Variants in NXT2 observed in about 807,000 individuals in gnomAD.
NXT2 encodes the protein nuclear transport factor 2 like export factor 2.
In NXT2, 1 loss-of-function variant was observed where a neutral mutation model predicts 9.6. That is an observed-to-expected ratio of 0.10 (90% CI 0.04 to 0.49). The LOEUF is 0.49. Among genes scored for constraint, NXT2 ranks in the 20% least tolerant of loss-of-function variants. NXT2 has a pLI of 0.95. For missense variants in NXT2, 48 were observed against 100.3 expected (o/e 0.48, Z 2.23); for synonymous variants, 22 against 35.4 (o/e 0.62, Z 1.34).
At chrX:109,540,627 G>A (rs1190352265) in intron 2 of NXT2, among the ~76,000 whole-genome samples, 1 of 112,101 alleles carries the variant, frequency 8.9e-6, no homozygotes, top group African/African-American at 3.2e-5. Flanking sequence ...TGCCTGCCTG[G>A]CCTTTTAACC....
upstream of NXT2, among the ~76,000 whole-genome samples, chrX:109,536,339 T>C (rs1463573094): frequency 8.9e-6 from 1 of 112,810 alleles, no homozygotes; most frequent in Non-Finnish European, 1.9e-5. Flanking sequence ...TTAATTTTTG[T>C]TGGTGTCCGT....
intron 1 of NXT2, 183 bp downstream of exon 1, chrX:109,537,204 TAGC>T (rs1933297536): frequency 9.7e-7 from 1 of 1,031,994 alleles, no homozygotes; most frequent in African/African-American, 2.0e-5. Flanking sequence ...CCAGCCTGGT[TAGC>T]AGTCGCTTTC....
At chrX:109,537,966 A>G in intron 1 of NXT2, 79 bp from the exon 2 acceptor site, 1 of 605,242 alleles carries the variant, frequency 1.7e-6, no homozygotes, top group Non-Finnish European at 2.8e-6. Context: ...GAAATAAATC[A>G]TCAGCTTCTG....
intron 3 of NXT2, among the ~76,000 whole-genome samples, chrX:109,542,200 C>T (rs1454449705): frequency 9.0e-6 from 1 of 110,790 alleles, no homozygotes; most frequent in Non-Finnish European, 1.9e-5. Flanking sequence ...CTGTTAGAAA[C>T]CTGAAATATT....
At chrX:109,538,176 T>C in intron 2 of NXT2, 45 bp downstream of exon 2, 1 of 787,324 alleles carries the variant, frequency 1.3e-6, no homozygotes, top group Non-Finnish European at 1.9e-6. Flanking sequence ...TACTACTCTT[T>C]ATTAAATACC....
rs926521895 is a variant in NXT2, at chrX:109,539,493, G to T, written c.102+1362G>T. Among the ~76,000 whole-genome samples the T allele has an allele frequency of 3.7e-5, 4 of 109,386 alleles. No homozygotes were observed. The Admixed American group carries it at 3.9e-4, about 11-fold the overall frequency. The allele number at this position is 109,386 out of a possible 115,157, so 95.0% of individuals were successfully genotyped here. A position where few individuals can be genotyped will look rare whatever the true frequency, so the allele number is the denominator to read the frequency against. On this transcript the variant is annotated intron_variant, in intron 2 of 3. Transcript: ENST00000372106. ...GAACTAATTTACATTCCCACCCACA[G>T]TGTAAAAGCATTCCTATTTCTCCAC...
At position 109,536,844 on chromosome X, in the gene NXT2, G is replaced by C; in HGVS notation, c.-163G>C. On this transcript the variant is annotated 5_prime_UTR_variant, in exon 1 of 4. Coordinates refer to ENST00000372106, the MANE Select transcript of NXT2 (RefSeq NM_001242617.2). ...GGAACATCGGTGTGCTTTTAACGAC[G>C]GACCGAGCTACTTCCGGGAGAGAAT... 2 of 1,126,488 alleles carry C rather than the reference G, an allele frequency of 1.8e-6. No homozygotes were observed. The highest frequency in any genetic ancestry group is 4.3e-5 in the South Asian group (2 of 46,510). The allele number at this position is 1,126,488 out of a possible 1,213,427, so 92.8% of individuals were successfully genotyped here.
intron 2 of NXT2, among the ~76,000 whole-genome samples, chrX:109,539,041 G>A (rs1190961985): frequency 2.7e-5 from 3 of 110,487 alleles, no homozygotes; most frequent in Non-Finnish European, 5.7e-5. Context: ...CCCCCTGACA[G>A]GCCCAGGTGT....
upstream of NXT2, chrX:109,536,128 G>C (rs781354582): frequency 2.3e-5 from 10 of 432,219 alleles, no homozygotes; most frequent in Non-Finnish European, 3.6e-5. Flanking sequence ...GTTTGTGACC[G>C]TAGGCAGATT....
At position 109,537,032 on chromosome X, in the gene NXT2, G is replaced by T; in HGVS notation, c.15+11G>T. 1 of 1,205,392 alleles carries T rather than the reference G, an allele frequency of 8.3e-7. No individual in the cohort carries two copies. Among genetic ancestry groups the T allele is most frequent in the Admixed American group, 2.2e-5 (1 of 45,379 alleles). On this transcript the variant is annotated intron_variant, in intron 1 of 3. Transcript: ENST00000372106. ...ATGGCCACGTCTCTGGTGAGTGCCT[G>T]GGCCGTGGCAGGACGGCTGGGCGCC... is the stretch of plus-strand genomic sequence containing the variant.
Position 109,542,634 on chromosome X carries a change from T to C in NXT2, c.375T>C (p.Thr125=), listed in dbSNP as rs1332935259. 1 of 1,201,656 alleles carries C rather than the reference T, an allele frequency of 8.3e-7. No homozygotes were observed. The highest frequency in any genetic ancestry group is 2.2e-5 in the Admixed American group (1 of 44,724). The change falls in exon 4 of 4, where the codon ACT becomes ACC. Residue 125 remains threonine, a synonymous_variant. Coordinates refer to ENST00000372106, the MANE Select transcript of NXT2 (RefSeq NM_001242617.2). ...CTGCTCAGTCCACTCCCAACAATAC[T>C]GTGTGGAAGATTGCAAGTGATTGCT... is the stretch of plus-strand genomic sequence containing the variant. ...LLTAQSTPNN[T]VWKIASDCFR... is the part of the protein sequence containing the mutation.
intron 3 of NXT2, 93 bp downstream of exon 3, chrX:109,541,712 G>C (rs1933423320): frequency 2.8e-6 from 2 of 716,119 alleles, no homozygotes. Context: ...TTTAGTGGTA[G>C]AACTATTTAC....
Position 109,542,493 on chromosome X carries a change from T to C in NXT2, c.248-14T>C. 1 of 1,162,449 alleles carries C rather than the reference T, an allele frequency of 8.6e-7. No homozygotes were observed. On this transcript the variant is annotated splice_polypyrimidine_tract_variant and intron_variant, in intron 3 of 3. Transcript: ENST00000372106. ...AAAATGATGTGTTCTCTTTTTTTTT[T>C]AATGTGGATGAAGAGCAAGCAACTC...
intron 1 of NXT2, chrX:109,537,373 T>G: frequency 1.2e-6 from 1 of 829,966 alleles, no homozygotes; most frequent in Non-Finnish European, 1.5e-6. Context: ...TTGTTCTTAA[T>G]TTAGTAATAG....
Position 109,541,541 on chromosome X carries a change from G to A in NXT2, c.169G>A (p.Asp57Asn). ...GAATGGAAATGCTGTTTCAGGGCTG[G>A]ATGCCCTAAATAATTTTTTTGACAC... Reference protein sequence around the residue: ...IWNGNAVSGLDALNNFFDTLP... With the variant: ...IWNGNAVSGLNALNNFFDTLP... The change falls in exon 3 of 4, where the codon GAT becomes AAT. Residue 57 changes from aspartate to asparagine, a missense_variant. By Grantham distance (23) the Asp-to-Asn change is conservative. Coordinates refer to ENST00000372106, the MANE Select transcript of NXT2 (RefSeq NM_001242617.2). 8.3e-7 allele frequency: 1 copy of A among 1,205,234 alleles called. No homozygotes were observed. Among genetic ancestry groups the A allele is most frequent in the Non-Finnish European group, 1.1e-6 (1 of 890,088 alleles).
intron 2 of NXT2, among the ~76,000 whole-genome samples, chrX:109,540,324 T>TA (rs1933388508): frequency 9.0e-6 from 1 of 111,016 alleles, no homozygotes; most frequent in South Asian, 3.7e-4. Flanking sequence ...TTTTTTTTAT[T>TA]TTTATTTATT....
intron 2 of NXT2, among the ~76,000 whole-genome samples, chrX:109,540,244 C>T (rs1933384748): frequency 9.1e-6 from 1 of 110,376 alleles, no homozygotes; most frequent in South Asian, 3.8e-4. Flanking sequence ...TACCTTACTG[C>T]TTTCAAAAAA....
chrX:109,542,756 A>G lies in NXT2; in HGVS notation c.*68A>G. ...ATTGAAATTTATGTGAATTATTTTG[A>G]TTGTAGAAGCACTATAATATGTGCT... On this transcript the variant is annotated 3_prime_UTR_variant, in exon 4 of 4. Coordinates refer to ENST00000372106, the MANE Select transcript of NXT2 (RefSeq NM_001242617.2). The G allele has an allele frequency of 1.2e-6, 1 of 862,658 alleles. No individual in the cohort carries two copies. Among genetic ancestry groups the G allele is most frequent in the African/African-American group, 2.0e-5 (1 of 49,485 alleles). 71.1% of individuals were successfully genotyped at this position (862,658 alleles called of 1,213,427 possible).
rs1390155250 is a variant in NXT2 at position 109,536,846 on chromosome X, A to T, written c.-161A>T. The T allele has an allele frequency of 8.9e-6, 10 of 1,128,851 alleles. No individual in the cohort carries two copies. The highest frequency in any genetic ancestry group is 1.2e-5 in the Non-Finnish European group (10 of 849,971). 93.0% of individuals were successfully genotyped at this position (1,128,851 alleles called of 1,213,427 possible). On this transcript the variant is annotated 5_prime_UTR_variant, in exon 1 of 4. Coordinates refer to ENST00000372106, the MANE Select transcript of NXT2 (RefSeq NM_001242617.2). ...AACATCGGTGTGCTTTTAACGACGG[A>T]CCGAGCTACTTCCGGGAGAGAATGG...
Sources: allele counts gnomAD v4.1 joint callset (sites outside exome capture counted in the v4.1 genomes callset), GRCh38; gene constraint gnomAD v4.1.1; transcripts MANE v1.5; gene names NCBI Gene and HGNC (gene_info 2026-07-23, HGNC 2026-07-21).